The following IRF4 variants were observed in gnomAD, a reference collection of about 807,000 sequenced individuals.
IRF4 encodes interferon regulatory factor 4.
A neutral mutation model predicts 55.5 loss-of-function variants in IRF4; 13 were observed. The observed-to-expected ratio is 0.23, with a 90% CI of 0.15 to 0.37. IRF4 has a LOEUF of 0.37. Ranked by LOEUF, IRF4 falls within the 10% of genes least tolerant of loss-of-function variation. The pLI is 1.00. For missense variants in IRF4, 397 were observed against 593.8 expected (o/e 0.67, Z 3.44); for synonymous variants, 249 against 240.7 (o/e 1.03, Z -0.32).
At chr6:396,517 T>C (rs1761262556) in intron 4 of IRF4, among the ~76,000 whole-genome samples, 1 of 152,220 alleles carries the variant, frequency 6.6e-6, no homozygotes, top group African/African-American at 2.4e-5. Context: ...CTGAGGAGTT[T>C]GGAGGCTGTA....
In IRF4 at chr6:407,914, G is replaced by A. The variant is rs1421909028; in HGVS notation, c.*316G>A. On this transcript the variant is annotated 3_prime_UTR_variant, in exon 9 of 9. Transcript: ENST00000380956. ...GTGGAGATTTCAGTTCAGCGGTTGAGGAGAATTGCGGCGAGACAAGCATGG... is the reference window on the plus strand; with the variant it reads ...GTGGAGATTTCAGTTCAGCGGTTGAAGAGAATTGCGGCGAGACAAGCATGG... The A allele has an allele frequency of 6.2e-6, 2 of 324,756 alleles. No individual in the cohort carries two copies. Among genetic ancestry groups the A allele is most frequent in the East Asian group, 5.4e-5 (1 of 18,422 alleles). The allele number at this position is 324,756 out of a possible 1,614,324, so 20.1% of individuals were successfully genotyped here.
chr6:402,946 C>T (rs1044080708), intron 7 of IRF4, among the ~76,000 whole-genome samples: 4 of 152,214 alleles, frequency 2.6e-5, no homozygotes, highest in Non-Finnish European at 4.4e-5. Flanking sequence ...GCACAAGAAT[C>T]GCTTGAACCT....
At chr6:407,312 G>C (rs1245624738) in intron 8 of IRF4, 143 bp from the exon 9 acceptor site, 13 of 766,366 alleles carry the variant, frequency 1.7e-5, no homozygotes, top group African/African-American at 3.7e-5. Flanking sequence ...TCTTTAGATG[G>C]CTCCAAATAT....
At position 406,720 on chromosome 6, in the gene IRF4, AC is replaced by A. The variant is rs1266493343; in HGVS notation, c.1213-733del. 2.8e-6 allele frequency: 3 copies of A among 1,054,058 alleles called. No homozygotes were observed. The South Asian group carries it at 4.9e-5, about 17-fold the overall frequency. 65.3% of individuals were successfully genotyped at this position (1,054,058 alleles called of 1,614,324 possible). On this transcript the variant is annotated intron_variant, in intron 8 of 8. Coordinates refer to ENST00000380956, the MANE Select transcript of IRF4 (RefSeq NM_002460.4). The stretch of plus-strand genomic sequence containing the variant: ...ATAAAATGAATAAACACACGTGTAC[AC>A]CTATGAGTTCCACTTTTAAAAATTA...
rs1761599970 is a variant in IRF4, at chr6:408,157, T to G, written c.*559T>G. On this transcript the variant is annotated 3_prime_UTR_variant, in exon 9 of 9. Transcript: ENST00000380956. ...CTTTCAGTATTGACACTGACTAGAGTGATGACTGCTTGTAGGTATGTCTGT... is the reference window on the plus strand; with the variant it reads ...CTTTCAGTATTGACACTGACTAGAGGGATGACTGCTTGTAGGTATGTCTGT... 1 of 235,412 alleles carries G rather than the reference T, an allele frequency of 4.2e-6. No homozygotes were observed. Among genetic ancestry groups the G allele is most frequent in the African/African-American group, 2.2e-5 (1 of 45,330 alleles). 14.6% of individuals were successfully genotyped at this position (235,412 alleles called of 1,614,324 possible).
intron 2 of IRF4, among the ~76,000 whole-genome samples, chr6:394,293 G>T (rs2797307): frequency 0.051 from 7,690 of 152,214 alleles, 293 homozygotes; most frequent in South Asian, 0.13. Flanking sequence ...TCACTCTACC[G>T]GTTATAAATA....
chr6:398,977 G>A, intron 6 of IRF4, 42 bp downstream of exon 6: 2 of 1,351,290 alleles, frequency 1.5e-6, no homozygotes, highest in South Asian at 1.2e-5. Context: ...CAGGAGGCCA[G>A]CCTCTGCTGC....
Position 407,719 on chromosome 6 carries a change from A to ATGATTGGCAGATGAG in IRF4, c.*121_*122insTGATTGGCAGATGAG. On this transcript the variant is annotated 3_prime_UTR_variant, in exon 9 of 9. Transcript: ENST00000380956. ...AGTGACACAATCTCAGCTCACTGTG[A>ATGATTGGCAGATGAG]CCTCCGCCTCCTGGGTTCAAGAGAC... The ATGATTGGCAGATGAG allele has an allele frequency of 1.1e-6, 1 of 903,090 alleles. No individual in the cohort carries two copies. The highest frequency in any genetic ancestry group is 3.0e-5 in the Admixed American group (1 of 32,924). 55.9% of individuals were successfully genotyped at this position (903,090 alleles called of 1,614,324 possible).
In IRF4 at chr6:395,800, G is replaced by A. The variant is rs140663357; in HGVS notation, c.404-47G>A. ...CAAGATTTGACATTTAGTTAGGTCA[G>A]TTCCTGTTTTTACGTTGTGCCATTT... On this transcript the variant is annotated intron_variant, in intron 3 of 8. Coordinates refer to ENST00000380956, the MANE Select transcript of IRF4 (RefSeq NM_002460.4). 15 of 1,400,076 alleles carry A rather than the reference G, an allele frequency of 1.1e-5. No individual in the cohort carries two copies. The African/African-American group carries it at 1.7e-4, about 16-fold the overall frequency. 86.7% of individuals were successfully genotyped at this position (1,400,076 alleles called of 1,614,324 possible). A position where few individuals can be genotyped will look rare whatever the true frequency, so the allele number is the denominator to read the frequency against.
In IRF4 at chr6:408,020, C is replaced by T; in HGVS notation, c.*422C>T. 1 of 265,570 alleles carries T rather than the reference C, an allele frequency of 3.8e-6. No homozygotes were observed. Among genetic ancestry groups the T allele is most frequent in the Non-Finnish European group, 7.2e-6 (1 of 139,574 alleles). The allele number at this position is 265,570 out of a possible 1,614,324, so 16.5% of individuals were successfully genotyped here. A position where few individuals can be genotyped will look rare whatever the true frequency, so the allele number is the denominator to read the frequency against. On this transcript the variant is annotated 3_prime_UTR_variant, in exon 9 of 9. Coordinates refer to ENST00000380956, the MANE Select transcript of IRF4 (RefSeq NM_002460.4). ...TGCATTTCTTGTGTTCTGTAGACTG[C>T]CATCATTGATGATCACTGTGAAAAT...
At chr6:395,974 G>A (rs1761243436) in intron 4 of IRF4, 39 bp downstream of exon 4, 2 of 1,511,350 alleles carry the variant, frequency 1.3e-6, no homozygotes, top group Non-Finnish European at 1.8e-6. Context: ...GGGCGAGGCT[G>A]TGTGGGCCAG....
At chr6:397,540 A>C (rs1471141534) in intron 5 of IRF4, 7 of 346,326 alleles carry the variant, frequency 2.0e-5, no homozygotes, top group Admixed American at 4.5e-5. Context: ...TTTTATATAG[A>C]GAGGAGATTG....
At position 398,819 on chromosome 6, in the gene IRF4, C is replaced by G; in HGVS notation, c.638-9C>G. On this transcript the variant is annotated splice_polypyrimidine_tract_variant and intron_variant, in intron 5 of 8. Coordinates refer to ENST00000380956, the MANE Select transcript of IRF4 (RefSeq NM_002460.4). ...CTAGACATCATCTGATTTTTATTTG[C>G]AAATGCAGGTTGCCAGGTGACAGGA... 6.2e-7 allele frequency: 1 copy of G among 1,605,856 alleles called. No homozygotes were observed. The highest frequency in any genetic ancestry group is 8.5e-7 in the Non-Finnish European group (1 of 1,172,922).
In IRF4 at chr6:411,440, G is replaced by T; in HGVS notation, c.*3842G>T. The T allele has an allele frequency of 5.5e-6, 1 of 182,772 alleles. No individual in the cohort carries two copies. Among genetic ancestry groups the T allele is most frequent in the Non-Finnish European group, 1.2e-5 (1 of 85,610 alleles). 11.3% of individuals were successfully genotyped at this position (182,772 alleles called of 1,614,324 possible). On this transcript the variant is annotated 3_prime_UTR_variant, in exon 9 of 9. Coordinates refer to ENST00000380956, the MANE Select transcript of IRF4 (RefSeq NM_002460.4). Reference sequence around the variant, plus strand: ...GGTAAATAAAAACTTTTAAAAATTTGTTATGGAATGTGTGTGTGTGTTATT... The same window carrying T: ...GGTAAATAAAAACTTTTAAAAATTTTTTATGGAATGTGTGTGTGTGTTATT...
Position 393,118 on chromosome 6 carries a change from G to A in IRF4, c.-35G>A, listed in dbSNP as rs747255043. 3 of 1,538,578 alleles carry A rather than the reference G, an allele frequency of 1.9e-6. No individual in the cohort carries two copies. Among genetic ancestry groups the A allele is most frequent in the South Asian group, 2.4e-5 (2 of 82,846 alleles). On this transcript the variant is annotated 5_prime_UTR_variant, in exon 2 of 9. Transcript: ENST00000380956. This position sits in a 1 kb window ranked among gnomAD's most constrained non-coding sequence, Gnocchi z 5.4. ...CGCAGTGCAGAGCAGAGCGGGCGGA[G>A]GACCCCGGGCGCGGGCGCGGACGGC...
intron 8 of IRF4, chr6:406,616 G>GC: frequency 5.3e-6 from 1 of 188,848 alleles, no homozygotes; most frequent in Non-Finnish European, 1.1e-5. Flanking sequence ...TGACATGGAT[G>GC]CAAGTCACTG....
At chr6:397,587 A>T (rs1353513304) in intron 5 of IRF4, 1 of 246,336 alleles carries the variant, frequency 4.1e-6, no homozygotes, top group Admixed American at 5.2e-5. Flanking sequence ...ATGCTGGGAG[A>T]TTATTGAGCT....
At chr6:394,501 C>G (rs1761204680) in intron 2 of IRF4, among the ~76,000 whole-genome samples, 1 of 152,218 alleles carries the variant, frequency 6.6e-6, no homozygotes, top group Non-Finnish European at 1.5e-5. Context: ...AGCATGGTGG[C>G]TCACACCTGT....
At chr6:407,399 T>C (rs984645462) in intron 8 of IRF4, 56 bp from the exon 9 acceptor site, 9 of 1,515,624 alleles carry the variant, frequency 5.9e-6, no homozygotes, top group Middle Eastern at 1.7e-4. Flanking sequence ...TGCTGTTTAA[T>C]AGTGAGCCAG....
Sources: allele counts gnomAD v4.1 joint callset (sites outside exome capture counted in the v4.1 genomes callset), GRCh38; gene constraint gnomAD v4.1.1; non-coding constraint Gnocchi (gnomAD v3.1); transcripts MANE v1.5; gene names NCBI Gene and HGNC (gene_info 2026-07-23, HGNC 2026-07-21).